The following RARB variants were observed in gnomAD, a reference collection of about 807,000 sequenced individuals.
RARB encodes the protein retinoic acid receptor beta, also known as HBV-activated protein.
Under a neutral mutation model 51.9 loss-of-function variants are expected in RARB, and 17 were observed. The ratio of observed to expected loss-of-function variants is 0.33; its 90% CI spans 0.22 to 0.49. RARB has a LOEUF of 0.49. Among genes scored for constraint, RARB ranks in the 20% least tolerant of loss-of-function variants. The probability of loss-of-function intolerance (pLI) is 0.99; values close to 1 mark genes in which losing one functional copy is unlikely to be tolerated. For missense variants in RARB, 369 were observed against 550.8 expected (o/e 0.67, Z 3.30); for synonymous variants, 215 against 195.4 (o/e 1.10, Z -0.84).
chr3:25,015,717 T>C lies in RARB; in HGVS notation c.-379-44408T>C, dbSNP rs111926512. On this transcript the variant is annotated intron_variant, in intron 2 of 11. Transcript: ENST00000383772. ...CATTCCAAGGAGAGAGGCTATTCTT[T>C]TCTGTTTTTGGTCAGACAGGAAGTA... Among the ~76,000 whole-genome samples the C allele has an allele frequency of 6.4e-3, 974 of 152,288 alleles. 13 individuals carry two copies. The highest frequency in any genetic ancestry group is 0.022 in the African/African-American group (915 of 41,570).
intron 5 of RARB, among the ~76,000 whole-genome samples, chr3:25,406,651 A>G (rs1246531637): frequency 1.3e-5 from 2 of 152,238 alleles, no homozygotes; most frequent in Admixed American, 1.3e-4. Flanking sequence ...TGCTAAATAC[A>G]ATTATATTCT....
At position 25,385,174 on chromosome 3, in the gene RARB, CCT is replaced by C. The variant is rs1375874398; in HGVS notation, c.179-76012_179-76011del. Among the ~76,000 whole-genome samples the C allele has an allele frequency of 3.3e-5, 5 of 152,118 alleles. No homozygotes were observed. In the East Asian group the frequency reaches 9.7e-4, roughly 29 times the overall value. ...GTCACATAGCCATTTTAAGATGTGC[CCT>C]CTCTCTGTTACACAAGATTCAGACT... On this transcript the variant is annotated intron_variant, in intron 5 of 11. Coordinates refer to the RARB transcript ENST00000383772.
intron 5 of RARB, among the ~76,000 whole-genome samples, chr3:25,176,310 T>TTTCTTTCC: frequency 3.7e-5 from 1 of 27,234 alleles, no homozygotes; most frequent in South Asian, 2.4e-3. Context: ...TCTTTCTTTC[T>TTTCTTTCC]TTCTTTCTTT....
intron 2 of RARB, among the ~76,000 whole-genome samples, chr3:24,964,488 C>G (rs914693650): frequency 1.3e-5 from 2 of 152,156 alleles, no homozygotes; most frequent in Non-Finnish European, 2.9e-5. Context: ...CCACCACTCT[C>G]CATTTTATAT....
At chr3:25,016,878 C>T (rs73820392) in intron 2 of RARB, among the ~76,000 whole-genome samples, 1 of 152,238 alleles carries the variant, frequency 6.6e-6, no homozygotes, top group Admixed American at 6.5e-5. Flanking sequence ...ACACCAGCAT[C>T]TGATTTATAC....
At chr3:24,842,154 G>C (rs972175332) in intron 1 of RARB, among the ~76,000 whole-genome samples, 6 of 152,138 alleles carry the variant, frequency 3.9e-5, no homozygotes, top group African/African-American at 1.4e-4. Context: ...ACAGGCTACA[G>C]TTATGGAAAT....
intron 2 of RARB, among the ~76,000 whole-genome samples, chr3:25,053,619 G>T (rs1214691438): frequency 6.6e-6 from 1 of 152,136 alleles, no homozygotes; most frequent in East Asian, 1.9e-4. Flanking sequence ...TTTTGAAAGT[G>T]GCTTGCAAAC....
intron 4 of RARB, among the ~76,000 whole-genome samples, chr3:25,151,810 A>C (rs1048511429): frequency 6.6e-6 from 1 of 152,172 alleles, no homozygotes; most frequent in African/African-American, 2.4e-5. Flanking sequence ...TTAGTTTCCC[A>C]TCAGTATGTT....
chr3:25,159,417 C>T (rs1444442755), intron 4 of RARB, among the ~76,000 whole-genome samples: 1 of 151,056 alleles, frequency 6.6e-6, no homozygotes, highest in Non-Finnish European at 1.5e-5. Flanking sequence ...GATCCACCCC[C>T]CCCGCTCCCC....
intron 5 of RARB, among the ~76,000 whole-genome samples, chr3:25,371,990 C>T (rs1285167432): frequency 6.6e-6 from 1 of 152,094 alleles, no homozygotes; most frequent in Non-Finnish European, 1.5e-5. Flanking sequence ...CTCACAGCTG[C>T]CACCGATAGT....
At chr3:25,553,943 C>G (rs1699944075) in intron 3 of RARB, among the ~76,000 whole-genome samples, 1 of 152,080 alleles carries the variant, frequency 6.6e-6, no homozygotes, top group African/African-American at 2.4e-5. Flanking sequence ...TTTTCTCTGG[C>G]TGACTTCCCA....
intron 2 of RARB, among the ~76,000 whole-genome samples, chr3:24,915,325 A>G (rs2125382792): frequency 6.6e-6 from 1 of 152,380 alleles, no homozygotes; most frequent in African/African-American, 2.4e-5. Context: ...TTAACTTCAT[A>G]TATTTGAAAT....
intron 1 of RARB, among the ~76,000 whole-genome samples, chr3:24,851,089 G>A (rs565271814): frequency 5.9e-5 from 9 of 152,274 alleles, no homozygotes; most frequent in African/African-American, 1.9e-4. Context: ...ATGACAAAGG[G>A]TAGATCAGAT....
At chr3:25,266,371 T>G (rs939448689) in intron 5 of RARB, among the ~76,000 whole-genome samples, 1 of 152,194 alleles carries the variant, frequency 6.6e-6, no homozygotes, top group Admixed American at 6.5e-5. Flanking sequence ...TCTGTCCTTT[T>G]TCAATGATTG....
intron 7 of RARB, among the ~76,000 whole-genome samples, chr3:25,595,120 C>T (rs558890799): frequency 6.6e-6 from 1 of 152,316 alleles, no homozygotes; most frequent in South Asian, 2.1e-4. Context: ...CTGCACACTT[C>T]TAAGCAAAGG....
intron 5 of RARB, among the ~76,000 whole-genome samples, chr3:25,294,756 G>A (rs1020108934): frequency 6.6e-6 from 1 of 152,058 alleles, no homozygotes; most frequent in Non-Finnish European, 1.5e-5. Context: ...CAATGTATTC[G>A]TGGCCTCCCA....
chr3:24,908,389 A>AT (rs1483046094), intron 2 of RARB, among the ~76,000 whole-genome samples: 5 of 152,202 alleles, frequency 3.3e-5, no homozygotes, highest in Non-Finnish European at 7.3e-5. Context: ...TACAGTCACC[A>AT]TATGCTATGT....
Position 25,204,576 on chromosome 3 carries a change from A to G in RARB, c.178+30001A>G, listed in dbSNP as rs143951147. On this transcript the variant is annotated intron_variant, in intron 5 of 11. Transcript: ENST00000383772. ...TGGTTTTATCTACCTTTGGTCTTTG[A>G]TGATGGTGATGTACAGATTGGGTTT... 9.3e-3 allele frequency among the ~76,000 whole-genome samples: 1,420 copies of G among 152,028 alleles called. 20 individuals are homozygous for G. The highest frequency in any genetic ancestry group is 0.033 in the African/African-American group (1,370 of 41,440).
intron 5 of RARB, among the ~76,000 whole-genome samples, chr3:25,314,391 A>G (rs1011313177): frequency 3.3e-5 from 5 of 152,206 alleles, no homozygotes; most frequent in African/African-American, 4.8e-5. Context: ...TATTAATGTT[A>G]CATAAATTGT....
Sources: gnomAD v4.1 joint callset for allele counts (sites outside exome capture counted in the v4.1 genomes callset) on GRCh38, gnomAD v4.1.1 for gene constraint, MANE v1.5 for transcripts, NCBI Gene and HGNC (gene_info 2026-07-23, HGNC 2026-07-21) for gene names.